SUCLG2: variants seen among roughly 807,000 people sequenced by gnomAD.
SUCLG2 encodes the protein succinate-CoA ligase GDP-forming subunit beta.
A neutral mutation model predicts 47.9 loss-of-function variants in SUCLG2; 42 were observed. The ratio of observed to expected loss-of-function variants is 0.88; its 90% CI spans 0.69 to 1.14. The LOEUF (loss-of-function observed/expected upper bound fraction) is 1.14. Ranked by LOEUF, SUCLG2 falls within the 50% of genes most tolerant of loss-of-function variation. The probability of loss-of-function intolerance (pLI) is 0.00; values close to 1 mark genes in which losing one functional copy is unlikely to be tolerated. For synonymous variants in SUCLG2, 195 were observed against 197.3 expected (o/e 0.99, Z 0.10); for missense variants, 571 against 525.9 (o/e 1.09, Z -0.84).
intron 9 of SUCLG2, among the ~76,000 whole-genome samples, chr3:67,435,072 T>G (rs968217143): frequency 1.3e-5 from 2 of 152,186 alleles, no homozygotes; most frequent in Non-Finnish European, 2.9e-5. Flanking sequence ...TTTCTCCTGT[T>G]TATCTGCTTG....
At chr3:67,583,918 T>A (rs1345358847) in intron 2 of SUCLG2, among the ~76,000 whole-genome samples, 2 of 152,240 alleles carry the variant, frequency 1.3e-5, no homozygotes. Flanking sequence ...TAATCCAGGA[T>A]AATCTCCTGA....
At chr3:67,463,441 C>T (rs1213411752) in intron 9 of SUCLG2, among the ~76,000 whole-genome samples, 1 of 152,130 alleles carries the variant, frequency 6.6e-6, no homozygotes, top group Non-Finnish European at 1.5e-5. Flanking sequence ...TACAGATGTG[C>T]AGACACAGAG....
At chr3:67,608,998 TAGGCC>T (rs1358803961) in intron 2 of SUCLG2, among the ~76,000 whole-genome samples, 1 of 152,178 alleles carries the variant, frequency 6.6e-6, no homozygotes, top group Non-Finnish European at 1.5e-5. Context: ...TTTTGACACT[TAGGCC>T]AAGTGCCTCC....
chr3:67,491,049 C>T (rs969414751), intron 9 of SUCLG2, among the ~76,000 whole-genome samples: 2 of 152,042 alleles, frequency 1.3e-5, no homozygotes, highest in Non-Finnish European at 2.9e-5. Context: ...GGGCCGAACA[C>T]AGTGGCTACT....
In SUCLG2 at chr3:67,518,273, C is replaced by T; in HGVS notation, c.634G>A (p.Gly212Ser). 6.2e-7 allele frequency: 1 copy of T among 1,612,648 alleles called. No homozygotes were observed. The highest frequency in any genetic ancestry group is 1.3e-5 in the African/African-American group (1 of 75,034). Residue 212 changes from glycine (G) to serine (S), a missense_variant, in exon 6 of 11, where the codon GGC becomes AGC. By Grantham distance (56) the Gly-to-Ser change is moderately conservative. Coordinates refer to ENST00000307227, the MANE Select transcript of SUCLG2 (RefSeq NM_003848.4). ...SQAQRMAENL[G>S]FVGPLKSQAA... ...TGGCTTTTCAAAGGCCCAACGAAGC[C>T]TAGATTTTCGGCCATCCGCTGAGCT...
At chr3:67,511,869 A>T (rs1431015176) in intron 6 of SUCLG2, among the ~76,000 whole-genome samples, 1 of 145,388 alleles carries the variant, frequency 6.9e-6, no homozygotes, top group Non-Finnish European at 1.5e-5. Flanking sequence ...GTGTGTGTGT[A>T]CAAGAGAGTG....
rs112073915 is a variant in SUCLG2 at position 67,541,872 on chromosome 3, C to CT, written c.227-12687dup. Among the ~76,000 whole-genome samples, 1,129 of 144,080 alleles carry CT rather than the reference C, an allele frequency of 7.8e-3. 16 individuals are homozygous for CT. Among genetic ancestry groups the CT allele is most frequent in the East Asian group, 0.054 (267 of 4,938 alleles). The allele number at this position is 144,080 out of a possible 152,430, so 94.5% of individuals were successfully genotyped here. A position where few individuals can be genotyped will look rare whatever the true frequency, so the allele number is the denominator to read the frequency against. ...GAGGCCAATATTCAACATTCTTTTTCTTTTTTTTTTTTTGAGACGGAGTTT... is the reference window on the plus strand; with the variant it reads ...GAGGCCAATATTCAACATTCTTTTTCTTTTTTTTTTTTTTGAGACGGAGTTT... On this transcript the variant is annotated intron_variant, in intron 2 of 10. Transcript: ENST00000307227.
chr3:67,536,433 CAA>C (rs1209376108), intron 2 of SUCLG2, among the ~76,000 whole-genome samples: 6 of 152,234 alleles, frequency 3.9e-5, no homozygotes, highest in Non-Finnish European at 8.8e-5. Context: ...CCCTCACAGG[CAA>C]TCACAACTAC....
chr3:67,582,740 A>C (rs1392775547), intron 2 of SUCLG2, among the ~76,000 whole-genome samples: 1 of 152,064 alleles, frequency 6.6e-6, no homozygotes, highest in African/African-American at 2.4e-5. Context: ...CCAGCAGTGT[A>C]TAAGTGTTCC....
chr3:67,375,907 C>T, intron 10 of SUCLG2, 48 bp from the exon 11 acceptor site: 3 of 1,589,492 alleles, frequency 1.9e-6, no homozygotes, highest in Non-Finnish European at 2.6e-6. Flanking sequence ...AGAGGTGGCG[C>T]CTTATGAAGT....
chr3:67,422,617 T>C (rs989249835), intron 9 of SUCLG2, among the ~76,000 whole-genome samples: 2 of 152,104 alleles, frequency 1.3e-5, no homozygotes, highest in Admixed American at 6.6e-5. Flanking sequence ...TTGCTAATTT[T>C]ATAATCTAGT....
intron 2 of SUCLG2, among the ~76,000 whole-genome samples, chr3:67,554,097 A>AT (rs1575774161): frequency 6.6e-6 from 1 of 152,106 alleles, no homozygotes; most frequent in South Asian, 2.1e-4. Context: ...GGTAGGTGTG[A>AT]TTTTTTGCAT....
chr3:67,559,332 G>T (rs183334242), intron 2 of SUCLG2, among the ~76,000 whole-genome samples: 6 of 152,300 alleles, frequency 3.9e-5, no homozygotes, highest in African/African-American at 1.4e-4. Flanking sequence ...AAGGAAAGAG[G>T]TTTAACTGAC....
At chr3:67,503,784 C>T (rs972377259) in intron 7 of SUCLG2, among the ~76,000 whole-genome samples, 4 of 152,144 alleles carry the variant, frequency 2.6e-5, no homozygotes, top group Non-Finnish European at 4.4e-5. Flanking sequence ...TCCTTCTGAA[C>T]GAATATCAAA....
At chr3:67,506,450 C>T (rs1412937860) in intron 7 of SUCLG2, among the ~76,000 whole-genome samples, 2 of 151,980 alleles carry the variant, frequency 1.3e-5, no homozygotes, top group Non-Finnish European at 2.9e-5. Flanking sequence ...TTTTAATGAA[C>T]TGTATATAAT....
chr3:67,425,783 T>C (rs1266605391), intron 9 of SUCLG2, among the ~76,000 whole-genome samples: 1 of 152,210 alleles, frequency 6.6e-6, no homozygotes, highest in Non-Finnish European at 1.5e-5. Context: ...TTATATCTCT[T>C]ATTTGTCCTG....
rs75964031 is a variant in SUCLG2, at chr3:67,466,653, C to T, written c.1062+29145G>A. On this transcript the variant is annotated intron_variant, in intron 9 of 10. Transcript: ENST00000307227. The stretch of plus-strand genomic sequence containing the variant: ...AGATGACACTGAAGTTTGTCGCTAT[C>T]GATTTTTATATGGCAAAACCTGGGT... 2.9e-3 allele frequency among the ~76,000 whole-genome samples: 437 copies of T among 152,282 alleles called. 4 individuals carry two copies. Among genetic ancestry groups the T allele is most frequent in the African/African-American group, 0.01 (422 of 41,576 alleles).
intron 2 of SUCLG2, among the ~76,000 whole-genome samples, chr3:67,542,177 A>G (rs992817888): frequency 6.6e-6 from 1 of 152,156 alleles, no homozygotes; most frequent in African/African-American, 2.4e-5. Flanking sequence ...CCCGGCCCTC[A>G]ACATTCTTAA....
Position 67,482,499 on chromosome 3 carries a change from C to T in SUCLG2, c.1062+13299G>A, listed in dbSNP as rs75183373. ...ATTTTTTTACTTTAGCTTCATTCAC[C>T]CTTCTTATTTGAATACCAAATATCT... On this transcript the variant is annotated intron_variant, in intron 9 of 10. Transcript: ENST00000307227. Among the ~76,000 whole-genome samples, 5 of 152,072 alleles carry T rather than the reference C, an allele frequency of 3.3e-5. No individual in the cohort carries two copies. In the East Asian group the frequency reaches 9.6e-4, roughly 29 times the overall value.
Sources: allele counts gnomAD v4.1 joint callset (sites outside exome capture counted in the v4.1 genomes callset), GRCh38; gene constraint gnomAD v4.1.1; transcripts MANE v1.5; gene names NCBI Gene and HGNC (gene_info 2026-07-23, HGNC 2026-07-21).